CACNG2: variants seen among roughly 807,000 people sequenced by gnomAD.
The protein encoded by CACNG2 is voltage-dependent calcium channel gamma-2 subunit.
In CACNG2, 3 loss-of-function variants were observed where a neutral mutation model predicts 25.9. That is an observed-to-expected ratio of 0.12 (90% CI 0.05 to 0.30). The LOEUF (loss-of-function observed/expected upper bound fraction) is 0.30, where lower values mean the gene tolerates loss of function less well. Ranked by LOEUF, CACNG2 falls within the 10% of genes least tolerant of loss-of-function variation. The pLI, the probability that CACNG2 is intolerant of heterozygous loss-of-function variation, is 1.00. For missense variants in CACNG2, 341 were observed against 432.5 expected (o/e 0.79, Z 1.88); for synonymous variants, 167 against 173.3 (o/e 0.96, Z 0.29).
intron 1 of CACNG2, among the ~76,000 whole-genome samples, chr22:36,685,463 CTT>C (rs974145584): frequency 6.6e-6 from 1 of 151,400 alleles, no homozygotes; most frequent in Non-Finnish European, 1.5e-5. Flanking sequence ...AAGCCGCTGA[CTT>C]AGACCTGGGG....
intron 1 of CACNG2, among the ~76,000 whole-genome samples, chr22:36,641,798 G>T (rs1936445945): frequency 6.6e-6 from 1 of 152,226 alleles, no homozygotes; most frequent in Non-Finnish European, 1.5e-5. Flanking sequence ...CTGTCAACTT[G>T]AGGGTTGCCG....
chr22:36,651,534 T>A (rs1486079734), intron 1 of CACNG2, among the ~76,000 whole-genome samples: 1 of 152,058 alleles, frequency 6.6e-6, no homozygotes, highest in Admixed American at 6.6e-5. Context: ...TGGCCAATAA[T>A]TTCTTATTCT....
chr22:36,596,995 G>T (rs1312293744), intron 1 of CACNG2, among the ~76,000 whole-genome samples: 1 of 151,508 alleles, frequency 6.6e-6, no homozygotes, highest in African/African-American at 2.4e-5. Context: ...CAAGCGATCC[G>T]CCCTCCTCAG....
chr22:36,662,684 G>A (rs891447749), intron 1 of CACNG2, among the ~76,000 whole-genome samples: 55 of 152,304 alleles, frequency 3.6e-4, no homozygotes, highest in African/African-American at 1.3e-3. Flanking sequence ...ACCTATACCT[G>A]AGTGTGTTCA....
intron 1 of CACNG2, among the ~76,000 whole-genome samples, chr22:36,665,449 T>G (rs1294095726): frequency 6.6e-6 from 1 of 152,226 alleles, no homozygotes; most frequent in East Asian, 1.9e-4. Flanking sequence ...AAATGCTCAG[T>G]TAGCGTGAGC....
chr22:36,633,731 T>A (rs1190842311), intron 1 of CACNG2, among the ~76,000 whole-genome samples: 5 of 152,216 alleles, frequency 3.3e-5, no homozygotes. Context: ...GTCAAGTTTA[T>A]AAGACGTGGG....
At chr22:36,616,587 T>C (rs541321327) in intron 1 of CACNG2, among the ~76,000 whole-genome samples, 3 of 151,826 alleles carry the variant, frequency 2.0e-5, no homozygotes, top group East Asian at 3.9e-4. Context: ...TTCATTGAGA[T>C]CTGTAATCCA....
chr22:36,664,672 C>T (rs764428270), intron 1 of CACNG2, among the ~76,000 whole-genome samples: 2 of 152,140 alleles, frequency 1.3e-5, no homozygotes, highest in Non-Finnish European at 2.9e-5. Flanking sequence ...GAGCTGAGAG[C>T]GGTGGTGCAG....
At chr22:36,614,609 G>C (rs973776144) in intron 1 of CACNG2, among the ~76,000 whole-genome samples, 1 of 152,160 alleles carries the variant, frequency 6.6e-6, no homozygotes, top group Non-Finnish European at 1.5e-5. Flanking sequence ...TCATGTTTCC[G>C]ATGCACCCAA....
intron 1 of CACNG2, among the ~76,000 whole-genome samples, chr22:36,663,300 T>C (rs1377400734): frequency 2.0e-5 from 3 of 152,106 alleles, no homozygotes; most frequent in Non-Finnish European, 4.4e-5. Context: ...CAAGACTACT[T>C]GGGGATCTCC....
rs1935090142 is a variant in CACNG2, at chr22:36,564,451, T to C, written c.872A>G (p.Asp291Gly). The C allele has an allele frequency of 3.1e-6, 5 of 1,614,106 alleles. No individual in the cohort carries two copies. The highest frequency in any genetic ancestry group is 4.2e-6 in the Non-Finnish European group (5 of 1,179,992). The change falls in exon 4 of 4, where the codon GAC becomes GGC. Residue 291 changes from aspartate to glycine, a missense_variant. Asp to Gly is a moderately conservative substitution (Grantham distance 94). Around this residue, in one of 2 missense-constraint regions of CACNG2, gnomAD observed 172 missense variants for 178.1 expected, o/e 0.97. Transcript: ENST00000300105. The surrounding 1 kb of genome is among the most constrained non-coding windows in gnomAD (Gnocchi z 6.7). ...AACCTGGAGGAAGCTGTTATCCCTG[T>C]CGGAGTTGTAGGTGGCGGTGGGCGT... is the stretch of plus-strand genomic sequence containing the variant. ...ATTPTATYNS[D>G]RDNSFLQVHN...
intron 2 of CACNG2, among the ~76,000 whole-genome samples, chr22:36,579,628 G>A (rs928670884): frequency 1.4e-4 from 22 of 152,088 alleles, no homozygotes; most frequent in Non-Finnish European, 2.4e-4. Context: ...GAACCCACCC[G>A]TGGTGGTCTC....
chr22:36,585,689 G>A (rs576879292), intron 2 of CACNG2, among the ~76,000 whole-genome samples: 25 of 152,290 alleles, frequency 1.6e-4, no homozygotes, highest in African/African-American at 4.3e-4. Context: ...AAAGTTTGCC[G>A]ACCCCTGCTA....
intron 1 of CACNG2, among the ~76,000 whole-genome samples, chr22:36,691,075 T>C (rs1382410763): frequency 2.0e-5 from 3 of 152,168 alleles, no homozygotes; most frequent in Non-Finnish European, 1.5e-5. Context: ...CACCTGGCAA[T>C]GGTAGTAACT....
At chr22:36,663,153 C>G (rs1936824264) in intron 1 of CACNG2, among the ~76,000 whole-genome samples, 1 of 152,146 alleles carries the variant, frequency 6.6e-6, no homozygotes, top group Non-Finnish European at 1.5e-5. Context: ...AGAGGAGACC[C>G]TTGCCCAAGT....
intron 2 of CACNG2, 39 bp from the exon 3 acceptor site, chr22:36,566,532 T>C (rs1380052399): frequency 6.2e-7 from 1 of 1,612,392 alleles, no homozygotes; most frequent in African/African-American, 1.3e-5. Flanking sequence ...GAGAACGGCA[T>C]GGCTGTGAGA....
intron 1 of CACNG2, among the ~76,000 whole-genome samples, chr22:36,681,223 T>C (rs1352698750): frequency 3.3e-5 from 5 of 152,160 alleles, no homozygotes; most frequent in Non-Finnish European, 7.4e-5. Flanking sequence ...TTCTGTTGGT[T>C]TAGTGCTTAG....
intron 1 of CACNG2, among the ~76,000 whole-genome samples, chr22:36,648,843 TCTCCAA>T (rs1172298400): frequency 2.6e-5 from 4 of 152,196 alleles, no homozygotes; most frequent in African/African-American, 7.2e-5. Context: ...CTGTCCCTTT[TCTCCAA>T]CTCCATCATC....
At chr22:36,625,043 G>A (rs115642387) in intron 1 of CACNG2, among the ~76,000 whole-genome samples, 5,488 of 50,188 alleles carry the variant, frequency 0.11, 24 homozygotes, top group African/African-American at 0.12. Flanking sequence ...AAAAAAAAAA[G>A]AACCACAGAT....
Sources: gnomAD v4.1 joint callset for allele counts (sites outside exome capture counted in the v4.1 genomes callset) on GRCh38, gnomAD v4.1.1 for gene constraint, gnomAD v4.1.1 regional missense constraint, Gnocchi (gnomAD v3.1) non-coding constraint, MANE v1.5 for transcripts, NCBI Gene and HGNC (gene_info 2026-07-23, HGNC 2026-07-21) for gene names.